The following KCNIP1 variants were observed in gnomAD, a reference collection of about 807,000 sequenced individuals.
KCNIP1 encodes potassium voltage-gated channel interacting protein 1.
In KCNIP1, 18 loss-of-function variants were observed where a neutral mutation model predicts 33.0. That is an observed-to-expected ratio of 0.55 (90% CI 0.38 to 0.81). KCNIP1 has a LOEUF of 0.81. Among genes scored for constraint, KCNIP1 ranks in the 30% least tolerant of loss-of-function variants. The pLI, the probability that KCNIP1 is intolerant of heterozygous loss-of-function variation, is 0.00. For missense variants in KCNIP1, 238 were observed against 271.6 expected (o/e 0.88, Z 0.87); for synonymous variants, 93 against 98.3 (o/e 0.95, Z 0.32).
At chr5:170,589,382 A>C (rs1314176550) in intron 1 of KCNIP1, among the ~76,000 whole-genome samples, 1 of 152,196 alleles carries the variant, frequency 6.6e-6, no homozygotes, top group Non-Finnish European at 1.5e-5. Flanking sequence ...TTTCTGTTTT[A>C]ATTAGGTATT....
intron 1 of KCNIP1, among the ~76,000 whole-genome samples, chr5:170,660,849 G>A (rs1249019828): frequency 6.6e-6 from 1 of 152,242 alleles, no homozygotes; most frequent in East Asian, 1.9e-4. Context: ...ACAGGAGCCA[G>A]CGTGGGCTTG....
At position 170,645,304 on chromosome 5, in the gene KCNIP1, A is replaced by G. The variant is rs9968689; in HGVS notation, c.62-73454A>G. On this transcript the variant is annotated intron_variant, in intron 1 of 7. Coordinates refer to ENST00000328939, the MANE Select transcript of KCNIP1 (RefSeq NM_014592.4). ...ACATTTAAAAACCATGCTAACAAGA[A>G]CCAAAAGAAAGTGAGAGTAGCTACA... is the stretch of plus-strand genomic sequence containing the variant. Among the ~76,000 whole-genome samples the G allele has an allele frequency of 8.3e-3, 1,270 of 152,316 alleles. 11 individuals are homozygous for G. Among genetic ancestry groups the G allele is most frequent in the African/African-American group, 0.029 (1,210 of 41,572 alleles).
intron 1 of KCNIP1, among the ~76,000 whole-genome samples, chr5:170,413,563 T>C (rs963188056): frequency 3.9e-5 from 6 of 152,190 alleles, no homozygotes; most frequent in African/African-American, 1.4e-4. Flanking sequence ...ATGGTACCAG[T>C]AGCTGTGTCA....
chr5:170,577,543 C>CTAACTGAG (rs1757646338), intron 1 of KCNIP1, among the ~76,000 whole-genome samples: 1 of 152,150 alleles, frequency 6.6e-6, no homozygotes, highest in Non-Finnish European at 1.5e-5. Context: ...TATGGACCGT[C>CTAACTGAG]TCACTTGTTA....
chr5:170,732,345 A>T (rs1008814891), intron 5 of KCNIP1, among the ~76,000 whole-genome samples: 1 of 152,200 alleles, frequency 6.6e-6, no homozygotes, highest in Admixed American at 6.5e-5. Context: ...TAAGGGCCTC[A>T]GTCTGTGGAA....
At chr5:170,707,512 C>T (rs752628014) in intron 1 of KCNIP1, among the ~76,000 whole-genome samples, 2 of 152,092 alleles carry the variant, frequency 1.3e-5, no homozygotes, top group African/African-American at 2.4e-5. Context: ...TTATGACTTA[C>T]GTCACATTCT....
intron 1 of KCNIP1, among the ~76,000 whole-genome samples, chr5:170,530,697 C>T (rs146513239): frequency 3.2e-4 from 48 of 152,330 alleles, no homozygotes; most frequent in African/African-American, 9.6e-4. Context: ...GTTCCAGCCA[C>T]GCTTGCATCC....
chr5:170,654,533 A>G (rs183409954), intron 1 of KCNIP1, among the ~76,000 whole-genome samples: 1 of 152,364 alleles, frequency 6.6e-6, no homozygotes. Context: ...TCATTTACTC[A>G]TGAATATTAA....
chr5:170,726,897 C>A (rs966699477), intron 5 of KCNIP1, among the ~76,000 whole-genome samples: 5 of 151,792 alleles, frequency 3.3e-5, no homozygotes, highest in African/African-American at 9.7e-5. Context: ...GGTGACAGAG[C>A]AAGACCCTGT....
intron 1 of KCNIP1, among the ~76,000 whole-genome samples, chr5:170,395,770 T>G (rs1450895437): frequency 1.3e-5 from 2 of 152,214 alleles, no homozygotes; most frequent in African/African-American, 4.8e-5. Flanking sequence ...TTGTTAGGGC[T>G]TGTGGGACTC....
intron 1 of KCNIP1, among the ~76,000 whole-genome samples, chr5:170,685,436 A>G (rs1294961661): frequency 6.7e-6 from 1 of 149,238 alleles, no homozygotes; most frequent in Non-Finnish European, 1.5e-5. Flanking sequence ...CAAAAGGCAC[A>G]CTAGATGTGA....
At chr5:170,662,279 T>C (rs1307143400) in intron 1 of KCNIP1, among the ~76,000 whole-genome samples, 1 of 152,158 alleles carries the variant, frequency 6.6e-6, no homozygotes, top group Non-Finnish European at 1.5e-5. Context: ...CTTTCCCTTC[T>C]CTTCCCACTA....
chr5:170,390,512 AAACAAATATAT>A (rs1561601356), intron 1 of KCNIP1, among the ~76,000 whole-genome samples: 3 of 78,048 alleles, frequency 3.8e-5, no homozygotes, highest in South Asian at 1.2e-3. Context: ...CAAAAAAAAA[AAACAAATATAT>A]ATATATATAT....
intron 1 of KCNIP1, among the ~76,000 whole-genome samples, chr5:170,577,511 T>C (rs938677955): frequency 2.2e-4 from 33 of 152,226 alleles, no homozygotes; most frequent in African/African-American, 7.0e-4. Context: ...GCCTTTGTCT[T>C]CATTCTAACT....
intron 1 of KCNIP1, among the ~76,000 whole-genome samples, chr5:170,663,004 C>A (rs1561749490): frequency 6.6e-6 from 1 of 152,300 alleles, no homozygotes. Flanking sequence ...TGCCTAAAAG[C>A]CACCCTGAGG....
chr5:170,523,102 T>C (rs1755426102), intron 1 of KCNIP1, among the ~76,000 whole-genome samples: 1 of 152,198 alleles, frequency 6.6e-6, no homozygotes, highest in Non-Finnish European at 1.5e-5. Flanking sequence ...GGTGGAAGCA[T>C]GCTGGTGGGA....
At chr5:170,715,357 A>G (rs1467918006) in intron 1 of KCNIP1, among the ~76,000 whole-genome samples, 1 of 152,174 alleles carries the variant, frequency 6.6e-6, no homozygotes, top group Non-Finnish European at 1.5e-5. Flanking sequence ...GCGACACATG[A>G]CTGAATAAGC....
intron 1 of KCNIP1, among the ~76,000 whole-genome samples, chr5:170,487,506 G>T (rs1189774727): frequency 6.7e-6 from 1 of 149,700 alleles, no homozygotes; most frequent in African/African-American, 2.5e-5. Flanking sequence ...TCATCATCAC[G>T]ATATAGTCAC....
At chr5:170,561,168 G>A (rs1056523277) in intron 1 of KCNIP1, 11 of 454,366 alleles carry the variant, frequency 2.4e-5, no homozygotes, top group African/African-American at 4.0e-5. Context: ...CGAGGGCTGA[G>A]ATGAAACACC....
Sources: allele counts gnomAD v4.1 joint callset (sites outside exome capture counted in the v4.1 genomes callset), GRCh38; gene constraint gnomAD v4.1.1; transcripts MANE v1.5; gene names NCBI Gene and HGNC (gene_info 2026-07-23, HGNC 2026-07-21).